The following ZNF451 variants were observed in gnomAD, a reference collection of about 807,000 sequenced individuals.
ZNF451 encodes the protein E3 SUMO-protein ligase ZNF451.
A neutral mutation model predicts 107.1 loss-of-function variants in ZNF451; 80 were observed. The ratio of observed to expected loss-of-function variants is 0.75; its 90% CI spans 0.62 to 0.90. The LOEUF is 0.90. Ranked by LOEUF, ZNF451 falls within the 40% of genes least tolerant of loss-of-function variation. ZNF451 has a pLI of 0.00. For missense variants in ZNF451, 1,107 were observed against 1,236.2 expected (o/e 0.90, Z 1.57); for synonymous variants, 362 against 406.5 (o/e 0.89, Z 1.32).
At chr6:57,097,008 C>T (rs1363824851) in intron 2 of ZNF451, among the ~76,000 whole-genome samples, 3 of 151,652 alleles carry the variant, frequency 2.0e-5, no homozygotes, top group Non-Finnish European at 4.4e-5. Flanking sequence ...GACCTCAAGT[C>T]ATCTACCCAC....
At position 57,160,958 on chromosome 6, in the gene ZNF451, A is replaced by G. The variant is rs1052554362; in HGVS notation, c.3071-126A>G. On this transcript the variant is annotated intron_variant, in intron 13 of 14. Transcript: ENST00000370706. ...GCACTGGAAAAAACCTAGTGTGGGAAAGTAGTGTAACACTAATGAACTGTA... is the reference window on the plus strand; with the variant it reads ...GCACTGGAAAAAACCTAGTGTGGGAGAGTAGTGTAACACTAATGAACTGTA... The G allele has an allele frequency of 3.3e-5, 17 of 513,176 alleles. No individual in the cohort carries two copies. In the African/African-American group the frequency reaches 3.3e-4, roughly 10 times the overall value. 31.8% of individuals were successfully genotyped at this position (513,176 alleles called of 1,614,324 possible).
rs112481108 is a variant in ZNF451, at chr6:57,156,021, T to A, written c.3070+1974T>A. On this transcript the variant is annotated intron_variant, in intron 13 of 14. Transcript: ENST00000370706. Reference sequence around the variant, plus strand: ...ATTTCAGGCATGTTACTTAACTTTTTTGGAGCCTCATTTTTTTGTATTTAT... The same window carrying A: ...ATTTCAGGCATGTTACTTAACTTTTATGGAGCCTCATTTTTTTGTATTTAT... Among the ~76,000 whole-genome samples the A allele has an allele frequency of 3.2e-3, 484 of 152,262 alleles. 3 individuals are homozygous for A. The highest frequency in any genetic ancestry group is 0.011 in the African/African-American group (459 of 41,556).
At chr6:57,121,195 A>G (rs1490742317) in intron 3 of ZNF451, among the ~76,000 whole-genome samples, 2 of 151,964 alleles carry the variant, frequency 1.3e-5, no homozygotes, top group African/African-American at 2.4e-5. Flanking sequence ...AGTTGACTTT[A>G]TTTATGTGGG....
At chr6:57,139,249 G>A (rs1831632378) in intron 7 of ZNF451, among the ~76,000 whole-genome samples, 1 of 152,124 alleles carries the variant, frequency 6.6e-6, no homozygotes, top group Non-Finnish European at 1.5e-5. Context: ...TCATAACCAA[G>A]ATTGGAAAGC....
At chr6:57,103,202 A>G in intron 3 of ZNF451, 1 of 985,436 alleles carries the variant, frequency 1.0e-6, no homozygotes, top group Non-Finnish European at 1.2e-6. Flanking sequence ...ATAAAGAGGG[A>G]TACCATCAGT....
chr6:57,163,247 C>G (rs577304426), intron 14 of ZNF451, among the ~76,000 whole-genome samples: 7 of 152,044 alleles, frequency 4.6e-5, no homozygotes, highest in African/African-American at 1.7e-4. Context: ...TCTTTAGACA[C>G]AGCCAACCAC....
intron 3 of ZNF451, chr6:57,105,719 T>G (rs982151207): frequency 1.0e-6 from 1 of 985,312 alleles, no homozygotes. Context: ...GATTGTCTCG[T>G]ATCTAACCTT....
intron 3 of ZNF451, chr6:57,101,997 T>C (rs1829621693): frequency 2.3e-5 from 36 of 1,550,526 alleles, no homozygotes; most frequent in Non-Finnish European, 3.1e-5. Flanking sequence ...ATTATCACAA[T>C]AGAGGATACT....
Position 57,141,930 on chromosome 6 carries a change from G to C in ZNF451, c.857-18G>C, listed in dbSNP as rs375169199. On this transcript the variant is annotated intron_variant, in intron 8 of 14. Coordinates refer to ENST00000370706, the MANE Select transcript of ZNF451 (RefSeq NM_001031623.3). ...TACTCAAATAACTTTGCAAATTATA[G>C]TTTATTTTGTCTTTCAGATAACAAA... is the stretch of plus-strand genomic sequence containing the variant. 6.2e-6 allele frequency: 10 copies of C among 1,608,818 alleles called. No individual in the cohort carries two copies. The highest frequency in any genetic ancestry group is 8.5e-6 in the Non-Finnish European group (10 of 1,176,714).
intron 2 of ZNF451, among the ~76,000 whole-genome samples, chr6:57,095,491 C>G (rs1217260300): frequency 6.6e-6 from 1 of 151,824 alleles, no homozygotes; most frequent in Non-Finnish European, 1.5e-5. Flanking sequence ...CACTACTGTA[C>G]CCAGCTAATT....
intron 3 of ZNF451, chr6:57,101,971 C>G: frequency 6.4e-7 from 1 of 1,550,488 alleles, no homozygotes; most frequent in African/African-American, 1.4e-5. Context: ...CTTTTATAGT[C>G]ATGATCAGAA....
rs764599634 is a variant in ZNF451 at position 57,147,911 on chromosome 6, G to A, written c.1826G>A (p.Arg609Gln). Residue 609 changes from arginine (R) to glutamine (Q), a missense_variant, in exon 10 of 15, where the codon CGG becomes CAG. Physicochemically the swap from Arg to Gln is conservative, Grantham distance 43 (BLOSUM62 1). Around this residue, in one of 5 missense-constraint regions of ZNF451, gnomAD observed 608 missense variants for 649.2 expected, o/e 0.94. Coordinates refer to ENST00000370706, the MANE Select transcript of ZNF451 (RefSeq NM_001031623.3). Reference protein sequence around the residue: ...NSSPRGKWQCRICEDMFDSQE... With the variant: ...NSSPRGKWQCQICEDMFDSQE... Reference sequence around the variant, plus strand: ...TCTCCGAGGGGTAAATGGCAATGCCGGATTTGTGAAGATATGTTTGATTCC... The same window carrying A: ...TCTCCGAGGGGTAAATGGCAATGCCAGATTTGTGAAGATATGTTTGATTCC... The A allele has an allele frequency of 1.3e-5, 21 of 1,613,960 alleles. No individual in the cohort carries two copies. The highest frequency in any genetic ancestry group is 1.4e-5 in the Non-Finnish European group (17 of 1,179,974).
chr6:57,112,283 A>G (rs1231342200), intron 3 of ZNF451, among the ~76,000 whole-genome samples: 1 of 152,208 alleles, frequency 6.6e-6, no homozygotes, highest in Non-Finnish European at 1.5e-5. Flanking sequence ...TTGGGTTTTT[A>G]TGAAGTAATC....
intron 13 of ZNF451, chr6:57,154,662 G>A (rs962497761): frequency 6.6e-6 from 1 of 152,206 alleles, no homozygotes; most frequent in Non-Finnish European, 1.5e-5. Flanking sequence ...TTTGTTTTTC[G>A]TTTTTCATAA....
chr6:57,118,762 T>A (rs571437343), intron 3 of ZNF451, among the ~76,000 whole-genome samples: 1 of 152,286 alleles, frequency 6.6e-6, no homozygotes, highest in African/African-American at 2.4e-5. Context: ...GGATTACAAG[T>A]GTAAGCTACT....
At position 57,111,520 on chromosome 6, in the gene ZNF451, G is replaced by T. The variant is rs141282831; in HGVS notation, c.186+12379G>T. On this transcript the variant is annotated intron_variant, in intron 3 of 14. Transcript: ENST00000370706. ...CTCAGCCTCCCGAGTAGCTGGAATC[G>T]CAGGCACCTGCCACCATGCTCAACT... Among the ~76,000 whole-genome samples the T allele has an allele frequency of 4.2e-4, 64 of 151,890 alleles. No homozygotes were observed. The East Asian group carries it at 8.2e-3, about 19-fold the overall frequency.
chr6:57,155,195 A>G (rs554163482), intron 13 of ZNF451, among the ~76,000 whole-genome samples: 86 of 152,302 alleles, frequency 5.6e-4, no homozygotes, highest in Middle Eastern at 3.4e-3. Context: ...CAAAAAAACA[A>G]AAAAAACAGG....
chr6:57,151,046 C>T (rs571774708), intron 11 of ZNF451, 184 bp downstream of exon 11: 36 of 668,804 alleles, frequency 5.4e-5, no homozygotes, highest in African/African-American at 4.8e-4. Context: ...TAAATGTTAG[C>T]TCTATCTGGT....
intron 9 of ZNF451, among the ~76,000 whole-genome samples, chr6:57,145,237 A>C (rs959222320): frequency 1.3e-5 from 2 of 152,182 alleles, no homozygotes; most frequent in African/African-American, 4.8e-5. Context: ...TATTGAGCCT[A>C]GTTCTTCAGT....
Sources: allele counts gnomAD v4.1 joint callset (sites outside exome capture counted in the v4.1 genomes callset), GRCh38; gene constraint gnomAD v4.1.1; regional missense constraint gnomAD v4.1.1; transcripts MANE v1.5; gene names NCBI Gene and HGNC (gene_info 2026-07-23, HGNC 2026-07-21).